Variants in CFAP20DC observed in about 807,000 individuals in gnomAD.
CFAP20DC encodes the protein CFAP20 domain containing.
In CFAP20DC, 84 loss-of-function variants were observed where a neutral mutation model predicts 101.7. The ratio of observed to expected loss-of-function variants is 0.83; its 90% CI spans 0.69 to 0.99. CFAP20DC has a LOEUF of 0.99. Among genes scored for constraint, CFAP20DC ranks in the 50% least tolerant of loss-of-function variants. The pLI is 0.00. For missense variants in CFAP20DC, 1,007 were observed against 970.3 expected (o/e 1.04, Z -0.50); for synonymous variants, 359 against 351.2 (o/e 1.02, Z -0.25).
rs893931254 is a variant in CFAP20DC at position 59,014,474 on chromosome 3, G to A, written c.278+25083C>T. ...CCAAATAGTGTTGTCAATTCATAGG[G>A]ATATCAAGCTCAGACTCACAAGTAA... On this transcript the variant is annotated intron_variant, in intron 4 of 16. Coordinates refer to ENST00000482387, the MANE Select transcript of CFAP20DC (RefSeq NM_001394063.1). The surrounding 1 kb of genome is among the most constrained non-coding windows in gnomAD (Gnocchi z 4.9). Among the ~76,000 whole-genome samples, 1 of 152,122 alleles carries A rather than the reference G, an allele frequency of 6.6e-6. No individual in the cohort carries two copies. Among genetic ancestry groups the A allele is most frequent in the Non-Finnish European group, 1.5e-5 (1 of 68,018 alleles).
At chr3:58,969,297 G>A (rs1026001799) in intron 4 of CFAP20DC, among the ~76,000 whole-genome samples, 13 of 152,160 alleles carry the variant, frequency 8.5e-5, no homozygotes, top group East Asian at 1.9e-4. Flanking sequence ...ATACCATTTC[G>A]CACCCACTGG....
chr3:59,039,532 T>G (rs2094160840), intron 4 of CFAP20DC, 25 bp downstream of exon 4: 1 of 1,376,980 alleles, frequency 7.3e-7, no homozygotes, highest in South Asian at 1.3e-5. Context: ...ACACAAAACA[T>G]TCAAAGAAGT....
chr3:58,979,836 G>A (rs1336164902), intron 4 of CFAP20DC, among the ~76,000 whole-genome samples: 3 of 149,602 alleles, frequency 2.0e-5, no homozygotes, highest in Non-Finnish European at 3.0e-5. Flanking sequence ...TTTTTATGGA[G>A]AATCAATATA....
At chr3:58,941,545 T>A (rs993723440) in intron 4 of CFAP20DC, among the ~76,000 whole-genome samples, 2 of 151,888 alleles carry the variant, frequency 1.3e-5, no homozygotes, top group Non-Finnish European at 2.9e-5. Flanking sequence ...TTACTTCTGC[T>A]TTTTCAACTT....
At chr3:58,852,275 G>C (rs998288836) in intron 12 of CFAP20DC, among the ~76,000 whole-genome samples, 1 of 152,020 alleles carries the variant, frequency 6.6e-6, no homozygotes, top group Non-Finnish European at 1.5e-5. Flanking sequence ...GCAGGTGATA[G>C]TTAGAAGAGC....
At chr3:58,789,417 C>T (rs2072662355) in intron 15 of CFAP20DC, among the ~76,000 whole-genome samples, 1 of 152,114 alleles carries the variant, frequency 6.6e-6, no homozygotes, top group Non-Finnish European at 1.5e-5. Flanking sequence ...ATTATTGTGT[C>T]AGATTATCAG....
At chr3:58,948,662 T>A (rs1007981962) in intron 4 of CFAP20DC, among the ~76,000 whole-genome samples, 1 of 152,210 alleles carries the variant, frequency 6.6e-6, no homozygotes, top group East Asian at 1.9e-4. Context: ...GTGGATAAGC[T>A]TTTTGATGTG....
intron 3 of CFAP20DC, among the ~76,000 whole-genome samples, chr3:58,719,117 G>A (rs1227249954): frequency 2.0e-5 from 3 of 152,114 alleles, no homozygotes; most frequent in Admixed American, 6.5e-5. Context: ...GGTGGCACAC[G>A]CCTGTAGTCT....
intron 4 of CFAP20DC, among the ~76,000 whole-genome samples, chr3:58,968,802 T>C (rs1205259506): frequency 6.6e-6 from 1 of 152,200 alleles, no homozygotes; most frequent in Non-Finnish European, 1.5e-5. Flanking sequence ...TCCAGGATAA[T>C]ATTGCCTAGG....
intron 15 of CFAP20DC, among the ~76,000 whole-genome samples, chr3:58,779,607 GAAGA>G (rs1390526829): frequency 6.6e-5 from 10 of 152,210 alleles, no homozygotes; most frequent in East Asian, 1.9e-4. Context: ...AGATCGAGCA[GAAGA>G]AAGAATCTCA....
intron 4 of CFAP20DC, among the ~76,000 whole-genome samples, chr3:58,944,002 A>G (rs561202396): frequency 6.6e-6 from 1 of 152,186 alleles, no homozygotes; most frequent in East Asian, 1.9e-4. Context: ...AATGAAATAA[A>G]GCGTGAAGAC....
chr3:58,821,760 A>G lies in CFAP20DC; in HGVS notation c.2175+9926T>C, dbSNP rs1390586262. Among the ~76,000 whole-genome samples the G allele has an allele frequency of 8.0e-5, 12 of 149,682 alleles. No homozygotes were observed. The East Asian group carries it at 9.8e-4, about 12-fold the overall frequency. ...GGCGATTCCTCAGGGATCTAGAACT[A>G]GAAATACCATTTGACCCAGCCATCC... On this transcript the variant is annotated intron_variant, in intron 14 of 16. Transcript: ENST00000482387.
intron 4 of CFAP20DC, among the ~76,000 whole-genome samples, chr3:59,036,273 C>A (rs562925387): frequency 1.3e-5 from 2 of 152,262 alleles, no homozygotes; most frequent in South Asian, 4.2e-4. Flanking sequence ...TCTTATTCAA[C>A]ACAGTATTGG....
intron 4 of CFAP20DC, among the ~76,000 whole-genome samples, chr3:59,033,349 T>C (rs1025522282): frequency 2.0e-5 from 3 of 152,052 alleles, no homozygotes; most frequent in African/African-American, 7.2e-5. Flanking sequence ...GAGAATGAGT[T>C]TGATGAACTG....
chr3:58,759,255 T>C (rs1386788517), intron 15 of CFAP20DC, among the ~76,000 whole-genome samples: 4 of 152,210 alleles, frequency 2.6e-5, no homozygotes, highest in East Asian at 1.9e-4. Flanking sequence ...TGGTATCTCA[T>C]TGTGGTTTTG....
intron 5 of CFAP20DC, among the ~76,000 whole-genome samples, chr3:58,933,574 C>T (rs1443218258): frequency 1.3e-5 from 2 of 152,194 alleles, no homozygotes; most frequent in African/African-American, 4.8e-5. Flanking sequence ...CAAACTGTCT[C>T]TCAGACCACA....
intron 16 of CFAP20DC, among the ~76,000 whole-genome samples, chr3:58,744,497 GT>G (rs1371009171): frequency 6.6e-6 from 1 of 152,144 alleles, no homozygotes; most frequent in Non-Finnish European, 1.5e-5. Context: ...AATAAGTCAG[GT>G]TTGGAAACAA....
At position 58,722,711 on chromosome 3, in the gene CFAP20DC, T is replaced by C. The variant is rs2067490073; in HGVS notation, c.198-5083A>G. Among the ~76,000 whole-genome samples, 1 of 151,966 alleles carries C rather than the reference T, an allele frequency of 6.6e-6. No individual in the cohort carries two copies. Among genetic ancestry groups the C allele is most frequent in the South Asian group, 2.1e-4 (1 of 4,830 alleles). On this transcript the variant is annotated intron_variant, in intron 3 of 3. Coordinates refer to the CFAP20DC transcript ENST00000486145. This position sits in a 1 kb window ranked among gnomAD's most constrained non-coding sequence, Gnocchi z 4.5. ...ATTTTCTGCCCGAGTCCTTATTTAA[T>C]TGTTATTTTGGGATCAGTTGCTTTT...
chr3:58,863,483 C>G lies in CFAP20DC; in HGVS notation c.1593+75G>C. The G allele has an allele frequency of 6.4e-7, 1 of 1,555,006 alleles. No individual in the cohort carries two copies. On this transcript the variant is annotated intron_variant, in intron 12 of 16. Coordinates refer to ENST00000482387, the MANE Select transcript of CFAP20DC (RefSeq NM_001394063.1). This position sits in a 1 kb window ranked among gnomAD's most constrained non-coding sequence, Gnocchi z 5.9. ...GCAGTTGATTTTCCCTCTTTCATTT[C>G]AACTTGTTTTAGTGCTTATTGGAGC...
Sources: allele counts gnomAD v4.1 joint callset (sites outside exome capture counted in the v4.1 genomes callset), GRCh38; gene constraint gnomAD v4.1.1; non-coding constraint Gnocchi (gnomAD v3.1); transcripts MANE v1.5; gene names NCBI Gene and HGNC (gene_info 2026-07-23, HGNC 2026-07-21).